The following CACNA1B variants were observed in gnomAD, a reference collection of about 807,000 sequenced individuals.
CACNA1B encodes the protein calcium voltage-gated channel subunit alpha1 B, also known as voltage-dependent N-type calcium channel subunit alpha-1B.
CACNA1B carries 70 observed loss-of-function variants against 247.2 expected under a neutral mutation model. The observed-to-expected ratio is 0.28, with a 90% confidence interval of 0.23 to 0.35. The LOEUF (loss-of-function observed/expected upper bound fraction) is 0.35, where lower values mean the gene tolerates loss of function less well. Among genes scored for constraint, CACNA1B ranks in the 10% least tolerant of loss-of-function variants. CACNA1B has a pLI of 1.00. For synonymous variants in CACNA1B, 1,231 were observed against 1,294.4 expected, an observed-to-expected ratio of 0.95 and a Z score of 1.05; for missense variants, 2,367 against 3,197.4, an observed-to-expected ratio of 0.74 and a Z score of 6.26.
chr9:137,896,694 A>T (rs1299006503), intron 3 of CACNA1B, among the ~76,000 whole-genome samples: 1 of 152,222 alleles, frequency 6.6e-6, no homozygotes, highest in Admixed American at 6.5e-5. Flanking sequence ...TTGTGTGAAA[A>T]CGGAATTAGT....
In CACNA1B at chr9:137,901,562, T is replaced by C. The variant is rs1588992952; in HGVS notation, c.531-11618T>C. ...ATTTTGGTGATACAGATTGTCAGAGTGGACTGGGTACAAGTGTTTAAACAT... is the reference window on the plus strand; with the variant it reads ...ATTTTGGTGATACAGATTGTCAGAGCGGACTGGGTACAAGTGTTTAAACAT... On this transcript the variant is annotated intron_variant, in intron 3 of 46. Transcript: ENST00000371372. Among the ~76,000 whole-genome samples the C allele has an allele frequency of 3.9e-5, 6 of 152,236 alleles. No homozygotes were observed. In the East Asian group the frequency reaches 1.2e-3, roughly 29 times the overall value.
intron 12 of CACNA1B, among the ~76,000 whole-genome samples, chr9:137,983,701 C>G (rs1958320065): frequency 6.6e-6 from 1 of 152,082 alleles, no homozygotes; most frequent in Non-Finnish European, 1.5e-5. Context: ...ACAGATTTTG[C>G]TAGTCTGTGA....
chr9:138,003,754 A>G (rs1039989319), intron 15 of CACNA1B, among the ~76,000 whole-genome samples: 1 of 150,532 alleles, frequency 6.6e-6, no homozygotes, highest in African/African-American at 2.5e-5. Flanking sequence ...TGGGCAGGAG[A>G]AATGATCAAA....
At position 137,986,729 on chromosome 9, in the gene CACNA1B, C is replaced by T. The variant is rs902425560; in HGVS notation, c.1902-53C>T. 15 of 1,488,166 alleles carry T rather than the reference C, an allele frequency of 1.0e-5. No homozygotes were observed. In the African/African-American group the frequency reaches 1.9e-4, roughly 19 times the overall value. 92.2% of individuals were successfully genotyped at this position (1,488,166 alleles called of 1,614,324 possible). A position where few individuals can be genotyped will look rare whatever the true frequency, so the allele number is the denominator to read the frequency against. ...GAGGCCACGCTGGAGCCTGCAGGCG[C>T]TGCCTCGCTGCTGACGGGACTGCCA... On this transcript the variant is annotated intron_variant, in intron 14 of 46. Transcript: ENST00000371372. The surrounding 1 kb of genome is among the most constrained non-coding windows in gnomAD (Gnocchi z 6.0).
intron 20 of CACNA1B, among the ~76,000 whole-genome samples, chr9:138,028,242 T>G (rs7033009): frequency 6.6e-6 from 1 of 151,756 alleles, no homozygotes; most frequent in African/African-American, 2.4e-5. Flanking sequence ...AGGCTGATCT[T>G]AAACTCCTGA....
chr9:137,923,494 T>C (rs974756937), intron 6 of CACNA1B, among the ~76,000 whole-genome samples: 2 of 151,890 alleles, frequency 1.3e-5, no homozygotes, highest in African/African-American at 4.8e-5. Flanking sequence ...CAGGTGGTAT[T>C]CCCTGGTGCC....
At position 137,917,054 on chromosome 9, in the gene CACNA1B, C is replaced by G. The variant is rs996944837; in HGVS notation, c.776-187C>G. ...TCCCTGAGTTGGTCACTCGTGAGCT[C>G]GGGGTCAGCAAGAGGCGATGCCTGA... On this transcript the variant is annotated intron_variant, in intron 5 of 46. Transcript: ENST00000371372. The surrounding 1 kb of genome is among the most constrained non-coding windows in gnomAD (Gnocchi z 5.5). Among the ~76,000 whole-genome samples the G allele has an allele frequency of 6.6e-6, 1 of 151,928 alleles. No homozygotes were observed. Among genetic ancestry groups the G allele is most frequent in the Non-Finnish European group, 1.5e-5 (1 of 67,970 alleles).
intron 10 of CACNA1B, among the ~76,000 whole-genome samples, chr9:137,968,545 G>A (rs937209997): frequency 2.0e-5 from 3 of 152,238 alleles, no homozygotes; most frequent in African/African-American, 7.2e-5. Context: ...TTAGCCTCAC[G>A]TCACTTTTGT....
rs573868404 is a variant in CACNA1B at position 138,093,246 on chromosome 9, C to T, written c.5095-3238C>T. ...ACCAGCTTGGCCAACATGGCAAAACCCTGTCTCTACTAAAAATACAAAAAT... is the reference window on the plus strand; with the variant it reads ...ACCAGCTTGGCCAACATGGCAAAACTCTGTCTCTACTAAAAATACAAAAAT... On this transcript the variant is annotated intron_variant, in intron 36 of 46. Coordinates refer to ENST00000371372, the MANE Select transcript of CACNA1B (RefSeq NM_000718.4). Among the ~76,000 whole-genome samples the T allele has an allele frequency of 8.6e-5, 13 of 151,050 alleles. No individual in the cohort carries two copies. In the South Asian group the frequency reaches 1.9e-3, roughly 22 times the overall value.
At chr9:138,040,271 A>G (rs1415529003) in intron 20 of CACNA1B, among the ~76,000 whole-genome samples, 1 of 152,032 alleles carries the variant, frequency 6.6e-6, no homozygotes, top group Non-Finnish European at 1.5e-5. Flanking sequence ...TCATCTAAGA[A>G]TTCCTGTATC....
intron 3 of CACNA1B, among the ~76,000 whole-genome samples, chr9:137,903,396 A>C (rs894779882): frequency 6.6e-6 from 1 of 151,962 alleles, no homozygotes; most frequent in Non-Finnish European, 1.5e-5. Context: ...AACAAACAAA[A>C]ACCCTTCACC....
At chr9:138,035,480 GA>G (rs1195312301) in intron 20 of CACNA1B, among the ~76,000 whole-genome samples, 1 of 152,112 alleles carries the variant, frequency 6.6e-6, no homozygotes, top group East Asian at 1.9e-4. Flanking sequence ...AGAAAGAAAA[GA>G]AAAAGATGAC....
At position 138,102,732 on chromosome 9, in the gene CACNA1B, C is replaced by T. The variant is rs200100830; in HGVS notation, c.5244C>T (p.Asp1748=). The T allele has an allele frequency of 2.0e-5, 33 of 1,611,890 alleles. No homozygotes were observed. The highest frequency in any genetic ancestry group is 2.4e-5 in the Non-Finnish European group (28 of 1,178,708). The change falls in exon 38 of 47, where the codon GAC becomes GAT. Residue 1748 remains aspartate (D), a synonymous_variant. Transcript: ENST00000371372. This position sits in a 1 kb window ranked among gnomAD's most constrained non-coding sequence, Gnocchi z 5.4. ...PAACGRISYN[D]MFEMLKHMSP... ...CCAGTGGGCGCATCAGTTACAATGA[C>T]ATGTTTGAGATGCTGAAACACATGT... is the stretch of plus-strand genomic sequence containing the variant.
chr9:138,066,488 G>C (rs1299203550), intron 31 of CACNA1B, among the ~76,000 whole-genome samples: 1 of 152,142 alleles, frequency 6.6e-6, no homozygotes, highest in African/African-American at 2.4e-5. Flanking sequence ...CAGGAGGAGA[G>C]AGACAGAGGG....
rs1284720603 is a variant in CACNA1B at position 138,043,907 on chromosome 9, C to G, written c.3413+7C>G. On this transcript the variant is annotated splice_region_variant and intron_variant, in intron 21 of 46. Coordinates refer to ENST00000371372, the MANE Select transcript of CACNA1B (RefSeq NM_000718.4). ...GTTTAAGCCCCACCAACCTGTGAGT[C>G]TCCTTGCCTGCTGGTGTGTGTGGCC... The G allele has an allele frequency of 6.2e-7, 1 of 1,612,428 alleles. No individual in the cohort carries two copies. Among genetic ancestry groups the G allele is most frequent in the Non-Finnish European group, 8.5e-7 (1 of 1,178,618 alleles).
At chr9:137,960,047 G>T (rs938904049) in intron 10 of CACNA1B, among the ~76,000 whole-genome samples, 2 of 151,738 alleles carry the variant, frequency 1.3e-5, no homozygotes, top group Admixed American at 1.3e-4. Context: ...ACGCCTGAGG[G>T]ACGCCGGGGC....
chr9:137,917,523 C>T lies in CACNA1B; in HGVS notation c.966+92C>T, dbSNP rs547700404. The T allele has an allele frequency of 9.0e-7, 1 of 1,113,320 alleles. No homozygotes were observed. The highest frequency in any genetic ancestry group is 2.4e-5 in the East Asian group (1 of 42,152). The allele number at this position is 1,113,320 out of a possible 1,614,324, so 69.0% of individuals were successfully genotyped here. A position where few individuals can be genotyped will look rare whatever the true frequency, so the allele number is the denominator to read the frequency against. ...GTCCATTTAGGGGGGCCCTTCTGAC[C>T]TCAGAGCCTCTGCCCAGCCCTAGGC... On this transcript the variant is annotated intron_variant, in intron 6 of 46. Transcript: ENST00000371372. The surrounding 1 kb of genome is among the most constrained non-coding windows in gnomAD (Gnocchi z 5.5).
In CACNA1B at chr9:138,121,986, A is replaced by T. The variant is rs904190301; in HGVS notation, c.7007A>T (p.Asp2336Val). 6.3e-7 allele frequency: 1 copy of T among 1,599,424 alleles called. No individual in the cohort carries two copies. Among genetic ancestry groups the T allele is most frequent in the Non-Finnish European group, 8.5e-7 (1 of 1,179,152 alleles). The change falls in exon 47 of 47, where the codon GAC becomes GTC. Residue 2336 changes from aspartate (D) to valine (V), a missense_variant. Physicochemically the swap from Asp to Val is radical, Grantham distance 152. Transcript: ENST00000371372. The surrounding 1 kb of genome is among the most constrained non-coding windows in gnomAD (Gnocchi z 6.8). ...ARHSYHHPDQ[D>V]HWC is the part of the protein sequence containing the mutation. ...CACAGCTACCACCACCCTGACCAAGACCACTGGTGCTAGCTGCACCGTGAC... is the reference window on the plus strand; with the variant it reads ...CACAGCTACCACCACCCTGACCAAGTCCACTGGTGCTAGCTGCACCGTGAC...
At chr9:138,043,306 C>T (rs894734081) in intron 20 of CACNA1B, among the ~76,000 whole-genome samples, 2 of 152,128 alleles carry the variant, frequency 1.3e-5, no homozygotes, top group Non-Finnish European at 2.9e-5. Context: ...CTCCTGGGAT[C>T]TCGAGGAAGA....
Sources: allele counts gnomAD v4.1 joint callset (sites outside exome capture counted in the v4.1 genomes callset), GRCh38; gene constraint gnomAD v4.1.1; non-coding constraint Gnocchi (gnomAD v3.1); transcripts MANE v1.5; gene names NCBI Gene and HGNC (gene_info 2026-07-23, HGNC 2026-07-21).